The following LRRC14 variants were observed in gnomAD, a reference collection of about 807,000 sequenced individuals.
LRRC14 encodes the protein leucine rich repeat containing 14, also known as leucine-rich repeat-containing protein 14.
A neutral mutation model predicts 25.3 loss-of-function variants in LRRC14; 16 were observed. The ratio of observed to expected loss-of-function variants is 0.63; its 90% CI spans 0.43 to 0.96. The LOEUF is 0.96. Among genes scored for constraint, LRRC14 ranks in the 40% least tolerant of loss-of-function variants. The probability of loss-of-function intolerance (pLI) is 0.00; values close to 1 mark genes in which losing one functional copy is unlikely to be tolerated. For missense variants in LRRC14, 594 were observed against 660.5 expected (o/e 0.90, Z 1.10); for synonymous variants, 359 against 295.1 (o/e 1.22, Z -2.22).
rs766415936 is a variant in LRRC14 at position 144,522,787 on chromosome 8, G to A, written c.*1309G>A. 38 of 1,553,028 alleles carry A rather than the reference G, an allele frequency of 2.4e-5. No individual in the cohort carries two copies. The Middle Eastern group carries it at 7.6e-4, about 31-fold the overall frequency. On this transcript the variant is annotated 3_prime_UTR_variant, in exon 4 of 4. Transcript: ENST00000292524. ...GCGCCGTGAGCGCCAGCAGCGCGATGGCCGCCGCAATGGCCGTCTGTGTGG... is the reference window on the plus strand; with the variant it reads ...GCGCCGTGAGCGCCAGCAGCGCGATAGCCGCCGCAATGGCCGTCTGTGTGG...
rs1312764435 is a variant in LRRC14 at position 144,522,991 on chromosome 8, C to G, written c.*1513C>G. The G allele has an allele frequency of 1.9e-6, 3 of 1,596,076 alleles. No individual in the cohort carries two copies. The highest frequency in any genetic ancestry group is 2.7e-5 in the African/African-American group (2 of 74,600). ...CGGCGTTGGAGGCCTCGCACTCGTA[C>G]TTACCGGCGTGCGCCAGCGTGATGT... On this transcript the variant is annotated 3_prime_UTR_variant, in exon 4 of 4. Coordinates refer to ENST00000292524, the MANE Select transcript of LRRC14 (RefSeq NM_014665.4).
chr8:144,520,018 C>A lies in LRRC14; in HGVS notation c.293C>A (p.Thr98Asn). 6.2e-7 allele frequency: 1 copy of A among 1,609,754 alleles called. No homozygotes were observed. The highest frequency in any genetic ancestry group is 8.5e-7 in the Non-Finnish European group (1 of 1,179,382). ...CTGGGGCTGACTGCCCGGCTCCACA[C>A]CTCAGAGCCTGGGGCCAGCACACAG... ...VILGLTARLH[T>N]SEPGASTQPL... is the part of the protein sequence containing the mutation. Residue 98 changes from threonine (T) to asparagine (N), a missense_variant, in exon 2 of 4, where the codon ACC (threonine) becomes AAC (asparagine). Physicochemically the swap from Thr to Asn is moderately conservative, Grantham distance 65. Transcript: ENST00000292524.
rs768914319 is a variant in LRRC14 at position 144,522,587 on chromosome 8, T to G, written c.*1109T>G. On this transcript the variant is annotated 3_prime_UTR_variant, in exon 4 of 4. Transcript: ENST00000292524. Reference sequence around the variant, plus strand: ...CGCCGGACCCTCGGCGAAGAGCGGCTTGGAGCGGTTGATGACGAACATCTC... The same window carrying G: ...CGCCGGACCCTCGGCGAAGAGCGGCGTGGAGCGGTTGATGACGAACATCTC... 6.4e-7 allele frequency: 1 copy of G among 1,561,930 alleles called. No individual in the cohort carries two copies. Among genetic ancestry groups the G allele is most frequent in the South Asian group, 1.2e-5 (1 of 85,220 alleles).
chr8:144,519,274 G>A (rs1397017555), intron 1 of LRRC14: 5 of 217,468 alleles, frequency 2.3e-5, no homozygotes, highest in South Asian at 7.7e-5. Context: ...AGAGTGTCCC[G>A]TCAATACTAA....
In LRRC14 at chr8:144,524,373, C is replaced by G. The variant is rs1259930781; in HGVS notation, c.*2895C>G. 5 of 1,593,736 alleles carry G rather than the reference C, an allele frequency of 3.1e-6. No homozygotes were observed. The East Asian group carries it at 1.1e-4, about 36-fold the overall frequency. ...AGCTAGACTGGGTTGCCTTTTCTAA[C>G]TATTCCAGCCCTACAGGGCGAGGGG... On this transcript the variant is annotated 3_prime_UTR_variant, in exon 4 of 4. Coordinates refer to ENST00000292524, the MANE Select transcript of LRRC14 (RefSeq NM_014665.4).
rs769042393 is a variant in LRRC14 at position 144,523,326 on chromosome 8, C to T, written c.*1848C>T. The T allele has an allele frequency of 5.4e-5, 87 of 1,598,846 alleles. No homozygotes were observed. Among genetic ancestry groups the T allele is most frequent in the Middle Eastern group, 3.3e-4 (2 of 6,032 alleles). On this transcript the variant is annotated 3_prime_UTR_variant, in exon 4 of 4. Transcript: ENST00000292524. ...GGCTCTGCACACATGATCTTCCTGTCCCTGGAGGTGAGCAGCCGCTGGCCG... is the reference window on the plus strand; with the variant it reads ...GGCTCTGCACACATGATCTTCCTGTTCCTGGAGGTGAGCAGCCGCTGGCCG...
Position 144,522,337 on chromosome 8 carries a change from T to A in LRRC14, c.*859T>A, listed in dbSNP as rs1816125877. 11 of 1,265,448 alleles carry A rather than the reference T, an allele frequency of 8.7e-6. No individual in the cohort carries two copies. The highest frequency in any genetic ancestry group is 1.1e-5 in the Non-Finnish European group (11 of 985,154). 78.4% of individuals were successfully genotyped at this position (1,265,448 alleles called of 1,614,324 possible). A position where few individuals can be genotyped will look rare whatever the true frequency, so the allele number is the denominator to read the frequency against. ...CCACCTTCCATTGCTACCCCAGGAT[T>A]CCCGAGTGCAACGTTCCCGGCTCGC... is the stretch of plus-strand genomic sequence containing the variant. On this transcript the variant is annotated 3_prime_UTR_variant, in exon 4 of 4. Transcript: ENST00000292524.
Position 144,524,723 on chromosome 8 carries a change from C to A in LRRC14, c.*3245C>A. 1 of 1,447,036 alleles carries A rather than the reference C, an allele frequency of 6.9e-7. No individual in the cohort carries two copies. The highest frequency in any genetic ancestry group is 1.4e-5 in the South Asian group (1 of 70,942). 89.6% of individuals were successfully genotyped at this position (1,447,036 alleles called of 1,614,324 possible). ...TGTTGTCCTGCAGGAACAGTGTCTG[C>A]AGGCCGGGGAAAGAGGAGGCGCTTA... is the stretch of plus-strand genomic sequence containing the variant. On this transcript the variant is annotated 3_prime_UTR_variant, in exon 4 of 4. Transcript: ENST00000292524.
Position 144,524,310 on chromosome 8 carries a change from A to G in LRRC14, c.*2832A>G, listed in dbSNP as rs1327566366. 6.2e-7 allele frequency: 1 copy of G among 1,605,078 alleles called. No homozygotes were observed. The highest frequency in any genetic ancestry group is 8.5e-7 in the Non-Finnish European group (1 of 1,179,224). On this transcript the variant is annotated 3_prime_UTR_variant, in exon 4 of 4. Transcript: ENST00000292524. ...TAAGGACAGCAGATCGTGAGGAAAA[A>G]GGGCGCCGAGGTTGGGGGCATGTCT...
chr8:144,522,649 G>A lies in LRRC14; in HGVS notation c.*1171G>A, dbSNP rs2130786245. ...CGTCGCGGAGCTCCTCTAGCTGTGC[G>A]AACGTACAGGGGCCGTCCAAGTAGT... is the stretch of plus-strand genomic sequence containing the variant. On this transcript the variant is annotated 3_prime_UTR_variant, in exon 4 of 4. Coordinates refer to ENST00000292524, the MANE Select transcript of LRRC14 (RefSeq NM_014665.4). The A allele has an allele frequency of 6.3e-7, 1 of 1,586,622 alleles. No homozygotes were observed. Among genetic ancestry groups the A allele is most frequent in the East Asian group, 2.4e-5 (1 of 41,982 alleles).
Position 144,522,627 on chromosome 8 carries a change from C to T in LRRC14, c.*1149C>T. On this transcript the variant is annotated 3_prime_UTR_variant, in exon 4 of 4. Coordinates refer to ENST00000292524, the MANE Select transcript of LRRC14 (RefSeq NM_014665.4). ...ACGAACATCTCGTGGCCGCGCTCGT[C>T]GCGGAGCTCCTCTAGCTGTGCGAAC... 6.3e-7 allele frequency: 1 copy of T among 1,575,688 alleles called. No homozygotes were observed. Among genetic ancestry groups the T allele is most frequent in the South Asian group, 1.2e-5 (1 of 86,550 alleles).
Position 144,522,341 on chromosome 8 carries a change from G to C in LRRC14, c.*863G>C. 1.6e-6 allele frequency: 2 copies of C among 1,279,450 alleles called. No homozygotes were observed. Among genetic ancestry groups the C allele is most frequent in the Non-Finnish European group, 2.0e-6 (2 of 997,994 alleles). The allele number at this position is 1,279,450 out of a possible 1,614,324, so 79.3% of individuals were successfully genotyped here. On this transcript the variant is annotated 3_prime_UTR_variant, in exon 4 of 4. Transcript: ENST00000292524. ...CTTCCATTGCTACCCCAGGATTCCC[G>C]AGTGCAACGTTCCCGGCTCGCGCCC...
rs1816187208 is a variant in LRRC14, at chr8:144,523,014, T to C, written c.*1536T>C. ...TACTTACCGGCGTGCGCCAGCGTGA[T>C]GTTGCTGAGGAAGAGCATGCCGCTG... On this transcript the variant is annotated 3_prime_UTR_variant, in exon 4 of 4. Coordinates refer to ENST00000292524, the MANE Select transcript of LRRC14 (RefSeq NM_014665.4). The C allele has an allele frequency of 6.3e-7, 1 of 1,597,392 alleles. No individual in the cohort carries two copies. Among genetic ancestry groups the C allele is most frequent in the South Asian group, 1.1e-5 (1 of 90,332 alleles).
In LRRC14 at chr8:144,523,600, C is replaced by G; in HGVS notation, c.*2122C>G. The G allele has an allele frequency of 2.4e-6, 2 of 849,962 alleles. No homozygotes were observed. Among genetic ancestry groups the G allele is most frequent in the Non-Finnish European group, 3.3e-6 (2 of 609,372 alleles). The allele number at this position is 849,962 out of a possible 1,614,324, so 52.7% of individuals were successfully genotyped here. On this transcript the variant is annotated 3_prime_UTR_variant, in exon 4 of 4. Transcript: ENST00000292524. ...GCGGCAGGCCCTTCACCCTCGCCCC[C>G]CTCCCCTTTAGCTCTGTGATGCCTG...
rs752852041 is a variant in LRRC14, at chr8:144,520,581, G to A, written c.673G>A (p.Val225Met). The change falls in exon 3 of 4, where the codon GTG becomes ATG. Residue 225 changes from valine to methionine, a missense_variant. Transcript: ENST00000292524. ...TCTGGATGCAGGCTGCCTGCGCCGC[G>A]TGGACCTGCGCTTCAACAATCTGGG... is the stretch of plus-strand genomic sequence containing the variant. ...QLLDAGCLRRVDLRFNNLGLR... is the reference protein window; with the variant it reads ...QLLDAGCLRRMDLRFNNLGLR... 6 of 1,600,512 alleles carry A rather than the reference G, an allele frequency of 3.7e-6. No individual in the cohort carries two copies. The highest frequency in any genetic ancestry group is 1.3e-5 in the African/African-American group (1 of 74,948).
In LRRC14 at chr8:144,522,963, C is replaced by T; in HGVS notation, c.*1485C>T. 1.3e-6 allele frequency: 2 copies of T among 1,580,078 alleles called. No homozygotes were observed. The highest frequency in any genetic ancestry group is 1.7e-6 in the Non-Finnish European group (2 of 1,169,966). ...AGCCGGAAGGGCACGCGGGCAGCGCCGCCGGCGTTGGAGGCCTCGCACTCG... is the reference window on the plus strand; with the variant it reads ...AGCCGGAAGGGCACGCGGGCAGCGCTGCCGGCGTTGGAGGCCTCGCACTCG... On this transcript the variant is annotated 3_prime_UTR_variant, in exon 4 of 4. Coordinates refer to ENST00000292524, the MANE Select transcript of LRRC14 (RefSeq NM_014665.4).
rs1412910169 is a variant in LRRC14 at position 144,520,936 on chromosome 8, C to G, written c.940C>G (p.Leu314Val). 2 of 1,612,378 alleles carry G rather than the reference C, an allele frequency of 1.2e-6. No individual in the cohort carries two copies. The highest frequency in any genetic ancestry group is 2.2e-5 in the South Asian group (2 of 91,090). ...LSTLQSPLES[L>V]ELAFCALLPE... ...CACCCTGCAGAGCCCCCTGGAGAGC[C>G]TGGAGTTGGCCTTCTGTGCTCTGCT... Residue 314 changes from leucine to valine, a missense_variant, in exon 4 of 4, where the codon CTG becomes GTG. By Grantham distance (32) the Leu-to-Val change is conservative (BLOSUM62 1). Transcript: ENST00000292524.
Position 144,522,381 on chromosome 8 carries a change from C to G in LRRC14, c.*903C>G. On this transcript the variant is annotated 3_prime_UTR_variant, in exon 4 of 4. Coordinates refer to ENST00000292524, the MANE Select transcript of LRRC14 (RefSeq NM_014665.4). ...GGCTCGCGCCCCACACACGGCTCAGCGCACACTGCGCGGCTTCCACCTTTA... is the reference window on the plus strand; with the variant it reads ...GGCTCGCGCCCCACACACGGCTCAGGGCACACTGCGCGGCTTCCACCTTTA... The G allele has an allele frequency of 1.5e-6, 2 of 1,360,506 alleles. No individual in the cohort carries two copies. The highest frequency in any genetic ancestry group is 3.9e-5 in the Admixed American group (1 of 25,670). 84.3% of individuals were successfully genotyped at this position (1,360,506 alleles called of 1,614,324 possible). A position where few individuals can be genotyped will look rare whatever the true frequency, so the allele number is the denominator to read the frequency against.
intron 1 of LRRC14, among the ~76,000 whole-genome samples, chr8:144,519,011 G>A (rs961754151): frequency 3.3e-5 from 5 of 152,238 alleles, no homozygotes; most frequent in African/African-American, 1.2e-4. Flanking sequence ...CAAAGGTGAG[G>A]GTTGCTTTCT....
Sources: gnomAD v4.1 joint callset for allele counts (sites outside exome capture counted in the v4.1 genomes callset) on GRCh38, gnomAD v4.1.1 for gene constraint, MANE v1.5 for transcripts, NCBI Gene and HGNC (gene_info 2026-07-23, HGNC 2026-07-21) for gene names.